Variants in ACACA observed in about 807,000 individuals in gnomAD.
ACACA encodes the protein acetyl-CoA carboxylase 1.
A neutral mutation model predicts 296.1 loss-of-function variants in ACACA; 103 were observed. The observed-to-expected ratio is 0.35, with a 90% CI of 0.30 to 0.41. ACACA has a LOEUF of 0.41. Ranked by LOEUF, ACACA falls within the 10% of genes least tolerant of loss-of-function variation. The pLI, the probability that ACACA is intolerant of heterozygous loss-of-function variation, is 1.00. For missense variants in ACACA, 1,554 were observed against 2,989.7 expected (o/e 0.52, Z 11.20); for synonymous variants, 953 against 1,038.6 (o/e 0.92, Z 1.58).
chr17:37,384,281 G>A (rs1296269481), intron 1 of ACACA, among the ~76,000 whole-genome samples: 1 of 152,136 alleles, frequency 6.6e-6, no homozygotes, highest in East Asian at 1.9e-4. Flanking sequence ...AGAAGATGTG[G>A]GTCAACATGG....
chr17:37,135,770 T>C (rs1008613954), intron 45 of ACACA, among the ~76,000 whole-genome samples: 1 of 152,066 alleles, frequency 6.6e-6, no homozygotes, highest in Non-Finnish European at 1.5e-5. Context: ...AGCCACACAA[T>C]AGTTTGCTAA....
Position 37,274,316 on chromosome 17 carries a change from C to T in ACACA, c.902-17G>A. 2 of 1,583,186 alleles carry T rather than the reference C, an allele frequency of 1.3e-6. No homozygotes were observed. The highest frequency in any genetic ancestry group is 1.7e-6 in the Non-Finnish European group (2 of 1,151,924). ...CACGAAGACCTGCAACAGACAATAGCAACTTAGGGCAATTACAAGATCTTC... is the reference window on the plus strand; with the variant it reads ...CACGAAGACCTGCAACAGACAATAGTAACTTAGGGCAATTACAAGATCTTC... On this transcript the variant is annotated splice_polypyrimidine_tract_variant and intron_variant, in intron 8 of 55. Transcript: ENST00000616317.
intron 1 of ACACA, among the ~76,000 whole-genome samples, chr17:37,385,814 A>C (rs1429300820): frequency 6.6e-6 from 1 of 152,138 alleles, no homozygotes; most frequent in African/African-American, 2.4e-5. Context: ...CATTTAATCC[A>C]TATCTCTTAT....
intron 30 of ACACA, among the ~76,000 whole-genome samples, chr17:37,209,739 ACTATTG>A (rs1419763975): frequency 3.9e-5 from 6 of 152,220 alleles, no homozygotes; most frequent in African/African-American, 1.4e-4. Flanking sequence ...CCATCAACTT[ACTATTG>A]CTTTTGCATT....
intron 1 of ACACA, among the ~76,000 whole-genome samples, chr17:37,404,008 A>C (rs978164962): frequency 1.3e-5 from 2 of 152,138 alleles, no homozygotes; most frequent in African/African-American, 4.8e-5. Context: ...ACTGGCCTCA[A>C]ATGATCCATC....
At chr17:37,231,126 C>T (rs897686996) in intron 25 of ACACA, among the ~76,000 whole-genome samples, 1 of 151,750 alleles carries the variant, frequency 6.6e-6, no homozygotes. Context: ...GTAGTCCCAG[C>T]ATTTTGGGAG....
chr17:37,158,613 C>A (rs2076344376), intron 42 of ACACA, among the ~76,000 whole-genome samples: 1 of 152,024 alleles, frequency 6.6e-6, no homozygotes, highest in South Asian at 2.1e-4. Flanking sequence ...CTGGGCAACA[C>A]AGTGAGACCC....
chr17:37,386,227 G>A (rs1568088506), intron 1 of ACACA: 1 of 688,266 alleles, frequency 1.5e-6, no homozygotes, highest in African/African-American at 1.8e-5. Context: ...TGGATCTACT[G>A]ATATTTTTCT....
chr17:37,199,706 T>C (rs1327897164), intron 35 of ACACA, among the ~76,000 whole-genome samples: 1 of 152,124 alleles, frequency 6.6e-6, no homozygotes, highest in Non-Finnish European at 1.5e-5. Flanking sequence ...TGATTATTGA[T>C]TCACTATAAG....
chr17:37,274,708 C>T (rs909474201), intron 8 of ACACA: 7 of 983,118 alleles, frequency 7.1e-6, no homozygotes, highest in Admixed American at 6.2e-5. Context: ...ATAGAAATGG[C>T]GGTTTTATTG....
intron 29 of ACACA, among the ~76,000 whole-genome samples, chr17:37,221,077 T>C (rs2079264951): frequency 6.6e-6 from 1 of 152,210 alleles, no homozygotes; most frequent in Non-Finnish European, 1.5e-5. Context: ...GTCTATAAGA[T>C]AAAGTATTTT....
At chr17:37,125,520 A>G (rs2074738220) in intron 48 of ACACA, among the ~76,000 whole-genome samples, 178 bp downstream of exon 48, 1 of 152,230 alleles carries the variant, frequency 6.6e-6, no homozygotes, top group African/African-American at 2.4e-5. Context: ...GTGACACACA[A>G]AATGGCAACT....
At chr17:37,373,199 G>T (rs73285188) in intron 1 of ACACA, among the ~76,000 whole-genome samples, 22 of 152,000 alleles carry the variant, frequency 1.4e-4, no homozygotes, top group African/African-American at 5.3e-4. Flanking sequence ...TATTTTGACT[G>T]CAGCTCTTCC....
intron 52 of ACACA, among the ~76,000 whole-genome samples, chr17:37,100,400 GAGA>G (rs908219579): frequency 2.0e-5 from 3 of 152,098 alleles, no homozygotes; most frequent in African/African-American, 4.8e-5. Flanking sequence ...ATGATGTACT[GAGA>G]AGGACAGAAC....
intron 39 of ACACA, among the ~76,000 whole-genome samples, chr17:37,187,141 C>T (rs951082099): frequency 2.0e-5 from 3 of 152,170 alleles, no homozygotes; most frequent in African/African-American, 7.2e-5. Flanking sequence ...CACTCACGCT[C>T]TTGCGCACTC....
At chr17:37,405,863 T>TA (rs1264621423) in intron 1 of ACACA, among the ~76,000 whole-genome samples, 3 of 150,574 alleles carry the variant, frequency 2.0e-5, no homozygotes, top group Non-Finnish European at 3.0e-5. Flanking sequence ...GGCTTTTTTT[T>TA]TTTTTTTTTT....
chr17:37,247,852 T>C (rs2080790660), intron 18 of ACACA, 159 bp downstream of exon 18: 1 of 782,818 alleles, frequency 1.3e-6, no homozygotes, highest in African/African-American at 1.7e-5. Flanking sequence ...ATAAACACTT[T>C]AATACTCTTG....
chr17:37,212,792 C>T (rs2078808748), intron 29 of ACACA, among the ~76,000 whole-genome samples: 1 of 151,206 alleles, frequency 6.6e-6, no homozygotes. Context: ...AACCTGGCCA[C>T]TACAAATTTT....
chr17:37,089,691 G>A (rs1207186186), intron 54 of ACACA, among the ~76,000 whole-genome samples: 2 of 152,076 alleles, frequency 1.3e-5, no homozygotes, highest in Non-Finnish European at 2.9e-5. Context: ...ACCTATGAGA[G>A]TATTCGAAAG....
Sources: allele counts gnomAD v4.1 joint callset (sites outside exome capture counted in the v4.1 genomes callset), GRCh38; gene constraint gnomAD v4.1.1; transcripts MANE v1.5; gene names NCBI Gene and HGNC (gene_info 2026-07-23, HGNC 2026-07-21).